TRPM3: variants seen among roughly 807,000 people sequenced by gnomAD.
TRPM3 encodes the protein long transient receptor potential channel 3.
A neutral mutation model predicts 181.2 loss-of-function variants in TRPM3; 77 were observed. That is an observed-to-expected ratio of 0.42 (90% confidence interval 0.35 to 0.51). The LOEUF is 0.51. Among genes scored for constraint, TRPM3 ranks in the 20% least tolerant of loss-of-function variants. The pLI is 0.01. For synonymous variants in TRPM3, 745 were observed against 796.4 expected, an observed-to-expected ratio of 0.94 and a Z score of 1.09; for missense variants, 1,759 against 2,196.7, an observed-to-expected ratio of 0.80 and a Z score of 3.98.
intron 1 of TRPM3, among the ~76,000 whole-genome samples, chr9:70,869,595 T>C (rs1453508669): frequency 6.6e-6 from 1 of 152,062 alleles, no homozygotes; most frequent in Non-Finnish European, 1.5e-5. Flanking sequence ...TCCCTGAACA[T>C]GGGCCTAAGA....
At chr9:70,584,679 T>G (rs536356690) in intron 22 of TRPM3, among the ~76,000 whole-genome samples, 1 of 152,384 alleles carries the variant, frequency 6.6e-6, no homozygotes, top group South Asian at 2.1e-4. Flanking sequence ...TTAGTCAATG[T>G]AATTGCTTCT....
At chr9:71,002,375 G>A (rs531677370) in intron 1 of TRPM3, among the ~76,000 whole-genome samples, 10 of 152,280 alleles carry the variant, frequency 6.6e-5, no homozygotes, top group Admixed American at 2.6e-4. Flanking sequence ...TTTGAATCTT[G>A]AAAATAAGTA....
At chr9:71,276,134 C>A (rs144253322) in intron 1 of TRPM3, among the ~76,000 whole-genome samples, 14 of 152,286 alleles carry the variant, frequency 9.2e-5, no homozygotes, top group African/African-American at 2.9e-4. Flanking sequence ...AGCCACTGCA[C>A]CCGGCTGAAA....
At chr9:71,377,748 G>A (rs902318199) in intron 1 of TRPM3, among the ~76,000 whole-genome samples, 1 of 151,852 alleles carries the variant, frequency 6.6e-6, no homozygotes, top group Non-Finnish European at 1.5e-5. Context: ...CATGTGAAAA[G>A]CACCCAGATA....
At chr9:70,808,618 G>A (rs975267907) in intron 6 of TRPM3, among the ~76,000 whole-genome samples, 3 of 152,110 alleles carry the variant, frequency 2.0e-5, no homozygotes, top group African/African-American at 4.8e-5. Flanking sequence ...GTGTCAAGTC[G>A]TTTCATATAA....
In TRPM3 at chr9:71,215,033, C is replaced by CAA. The variant is rs67349189; in HGVS notation, c.183+231618_183+231619dup. Among the ~76,000 whole-genome samples, 70 of 105,822 alleles carry CAA rather than the reference C, an allele frequency of 6.6e-4. 4 individuals carry two copies. Among genetic ancestry groups the CAA allele is most frequent in the East Asian group, 1.1e-3 (4 of 3,770 alleles). 69.4% of individuals were successfully genotyped at this position (105,822 alleles called of 152,430 possible). A position where few individuals can be genotyped will look rare whatever the true frequency, so the allele number is the denominator to read the frequency against. On this transcript the variant is annotated intron_variant, in intron 1 of 24. Coordinates refer to the TRPM3 transcript ENST00000357533. ...CTGTTCACTCTGCCTCACCAAAAAA[C>CAA]AAAAAAAAAAAAACAAAAAAAAAAA... is the stretch of plus-strand genomic sequence containing the variant.
intron 1 of TRPM3, among the ~76,000 whole-genome samples, chr9:71,231,446 T>C (rs576969045): frequency 3.3e-4 from 50 of 152,198 alleles, no homozygotes; most frequent in Non-Finnish European, 4.7e-4. Flanking sequence ...AATATATGAG[T>C]TCTTCCATAG....
chr9:70,882,202 G>A (rs2096006044), intron 1 of TRPM3, among the ~76,000 whole-genome samples: 1 of 152,034 alleles, frequency 6.6e-6, no homozygotes, highest in African/African-American at 2.4e-5. Context: ...CTTAATCTCT[G>A]GCATGACCAG....
At chr9:70,748,715 T>A (rs1261160377) in intron 8 of TRPM3, among the ~76,000 whole-genome samples, 1 of 152,124 alleles carries the variant, frequency 6.6e-6, no homozygotes, top group African/African-American at 2.4e-5. Flanking sequence ...ATACTGAATC[T>A]GCCAGAGTCT....
At chr9:71,301,873 T>A (rs1276678030) in intron 1 of TRPM3, among the ~76,000 whole-genome samples, 2 of 152,184 alleles carry the variant, frequency 1.3e-5, no homozygotes, top group African/African-American at 4.8e-5. Flanking sequence ...AGATGCTTCA[T>A]AAATATTAAA....
At chr9:71,169,713 G>A (rs1371874531) in intron 1 of TRPM3, among the ~76,000 whole-genome samples, 1 of 152,054 alleles carries the variant, frequency 6.6e-6, no homozygotes, top group Non-Finnish European at 1.5e-5. Context: ...CCAGCACTTT[G>A]GGAGGCTGAG....
intron 1 of TRPM3, among the ~76,000 whole-genome samples, chr9:70,879,815 A>G (rs571602378): frequency 6.6e-6 from 1 of 152,304 alleles, no homozygotes; most frequent in South Asian, 2.1e-4. Flanking sequence ...GACAAATGTA[A>G]CTGACCGTCT....
intron 6 of TRPM3, among the ~76,000 whole-genome samples, chr9:70,803,588 A>C (rs973246143): frequency 6.0e-5 from 9 of 149,914 alleles, no homozygotes; most frequent in Non-Finnish European, 1.0e-4. Context: ...AGCTGGGACC[A>C]CAGGCGCCCG....
At chr9:71,282,103 A>ACG in intron 1 of TRPM3, among the ~76,000 whole-genome samples, 2 of 94,130 alleles carry the variant, frequency 2.1e-5, no homozygotes, top group Non-Finnish European at 4.6e-5. Flanking sequence ...GAAAGAAAGA[A>ACG]AAGAAAGAAA....
chr9:71,066,331 T>C lies in TRPM3; in HGVS notation c.177+54847A>G, dbSNP rs573314198. Among the ~76,000 whole-genome samples the C allele has an allele frequency of 2.0e-5, 3 of 152,236 alleles. No individual in the cohort carries two copies. The East Asian group carries it at 5.8e-4, about 29-fold the overall frequency. On this transcript the variant is annotated intron_variant, in intron 1 of 25. Coordinates refer to ENST00000677713, the MANE Select transcript of TRPM3 (RefSeq NM_001366145.2). ...AGTTTGACACCTGAGAAATGCTAAG[T>C]TTCCTGAGAAACTGAGATGTGGTCT...
chr9:71,190,500 A>G (rs1317207066), intron 1 of TRPM3, among the ~76,000 whole-genome samples: 2 of 151,894 alleles, frequency 1.3e-5, no homozygotes, highest in Non-Finnish European at 1.5e-5. Flanking sequence ...TTATTTATAA[A>G]ATATCTGAAA....
At chr9:71,258,300 A>G (rs1198948603) in intron 1 of TRPM3, among the ~76,000 whole-genome samples, 1 of 152,146 alleles carries the variant, frequency 6.6e-6, no homozygotes, top group Admixed American at 6.6e-5. Flanking sequence ...AAAGGCTGGG[A>G]CTTGAACCCA....
chr9:71,421,257 C>CT (rs2093768877), intron 1 of TRPM3, among the ~76,000 whole-genome samples: 1 of 151,690 alleles, frequency 6.6e-6, no homozygotes, highest in African/African-American at 2.4e-5. Flanking sequence ...ACTATGGGTG[C>CT]TATGCTTATT....
chr9:70,677,175 CT>C (rs1203890412), intron 9 of TRPM3, among the ~76,000 whole-genome samples: 1 of 152,138 alleles, frequency 6.6e-6, no homozygotes, highest in Non-Finnish European at 1.5e-5. Flanking sequence ...GCCATGTCGG[CT>C]TACCATTGCC....
Sources: allele counts gnomAD v4.1 joint callset (sites outside exome capture counted in the v4.1 genomes callset), GRCh38; gene constraint gnomAD v4.1.1; transcripts MANE v1.5; gene names NCBI Gene and HGNC (gene_info 2026-07-23, HGNC 2026-07-21).